Variants in NBEAL1 observed in about 807,000 individuals in gnomAD.
The protein encoded by NBEAL1 is neurobeachin like 1.
Under a neutral mutation model 351.3 loss-of-function variants are expected in NBEAL1, and 273 were observed. The ratio of observed to expected loss-of-function variants is 0.78; its 90% CI spans 0.70 to 0.86. The LOEUF is 0.86. Ranked by LOEUF, NBEAL1 falls within the 40% of genes least tolerant of loss-of-function variation. The pLI is 0.00. For synonymous variants in NBEAL1, 1,050 were observed against 1,086.4 expected (o/e 0.97, Z 0.66); for missense variants, 2,961 against 3,201.3 (o/e 0.92, Z 1.81).
intron 36 of NBEAL1, among the ~76,000 whole-genome samples, chr2:203,164,299 G>C (rs1169422554): frequency 6.6e-6 from 1 of 151,838 alleles, no homozygotes; most frequent in East Asian, 1.9e-4. Flanking sequence ...GTATCCTTTG[G>C]TGGCATAATC....
In NBEAL1 at chr2:203,220,845, C is replaced by T. The variant is rs1168051804; in HGVS notation, c.*3491C>T. On this transcript the variant is annotated 3_prime_UTR_variant, in exon 56 of 56. Transcript: ENST00000683969. The stretch of plus-strand genomic sequence containing the variant: ...CTTTCTTTTTAGCCTGTGAAGCTCA[C>T]GTCTGTTATTAAGTTAATAACAAAA... Among the ~76,000 whole-genome samples the T allele has an allele frequency of 1.3e-5, 2 of 152,102 alleles. No homozygotes were observed. The highest frequency in any genetic ancestry group is 2.9e-5 in the Non-Finnish European group (2 of 68,012).
chr2:203,107,158 T>A (rs2062457144), intron 12 of NBEAL1, among the ~76,000 whole-genome samples: 1 of 152,184 alleles, frequency 6.6e-6, no homozygotes, highest in Admixed American at 6.5e-5. Flanking sequence ...GCAAATAATA[T>A]AATAATTCTA....
chr2:203,212,941 A>G (rs1473464830), intron 54 of NBEAL1, among the ~76,000 whole-genome samples: 1 of 152,200 alleles, frequency 6.6e-6, no homozygotes, highest in African/African-American at 2.4e-5. Flanking sequence ...ACAAATGCCC[A>G]CTGAGAGTCT....
chr2:203,034,457 A>ATTTT (rs1241543389), intron 2 of NBEAL1, among the ~76,000 whole-genome samples: 1 of 111,948 alleles, frequency 8.9e-6, no homozygotes, highest in Non-Finnish European at 1.9e-5. Context: ...ACACCCGGCC[A>ATTTT]TTTTTTTTTT....
chr2:203,120,568 C>A (rs1021154940), intron 18 of NBEAL1, among the ~76,000 whole-genome samples: 4 of 152,088 alleles, frequency 2.6e-5, no homozygotes, highest in Admixed American at 1.3e-4. Flanking sequence ...AAACTGGGTT[C>A]TACATGTGTT....
intron 25 of NBEAL1, among the ~76,000 whole-genome samples, chr2:203,131,473 C>T (rs1466987393): frequency 6.6e-6 from 1 of 152,192 alleles, no homozygotes; most frequent in Non-Finnish European, 1.5e-5. Flanking sequence ...GCCTCAGCCT[C>T]GCTAAGTGCT....
intron 2 of NBEAL1, among the ~76,000 whole-genome samples, chr2:203,030,164 G>A (rs2060927589): frequency 6.6e-6 from 1 of 152,186 alleles, no homozygotes; most frequent in Non-Finnish European, 1.5e-5. Flanking sequence ...TGGTAATAAG[G>A]TAGACTAGGT....
intron 36 of NBEAL1, among the ~76,000 whole-genome samples, chr2:203,162,019 ATT>A (rs780529337): frequency 1.4e-3 from 148 of 107,198 alleles, no homozygotes; most frequent in South Asian, 2.1e-3. Context: ...ATTTGATTTG[ATT>A]TTTTTTTTTT....
chr2:203,080,572 C>A (rs1003829235), intron 8 of NBEAL1, among the ~76,000 whole-genome samples: 6 of 151,766 alleles, frequency 4.0e-5, no homozygotes, highest in African/African-American at 1.5e-4. Flanking sequence ...ACTCTTGTAC[C>A]TTGTTAGCCT....
At chr2:203,135,434 T>C (rs1178751613) in intron 27 of NBEAL1, among the ~76,000 whole-genome samples, 2 of 152,186 alleles carry the variant, frequency 1.3e-5, no homozygotes, top group African/African-American at 2.4e-5. Context: ...TTCTTTTTTA[T>C]CTTCCAGCAG....
intron 4 of NBEAL1, 91 bp from the exon 5 acceptor site, chr2:203,056,332 TGCCA>T: frequency 1.4e-6 from 1 of 706,166 alleles, no homozygotes; most frequent in Non-Finnish European, 2.5e-6. Context: ...GCATTTTGTT[TGCCA>T]GCATGTGTTC....
intron 33 of NBEAL1, among the ~76,000 whole-genome samples, chr2:203,148,729 C>T (rs2106347134): frequency 6.6e-6 from 1 of 151,280 alleles, no homozygotes. Context: ...AGGCACTTTC[C>T]ATTTTTGAAG....
At chr2:203,019,343 TC>T (rs1035037970) in intron 2 of NBEAL1, among the ~76,000 whole-genome samples, 8 of 152,220 alleles carry the variant, frequency 5.3e-5, no homozygotes, top group African/African-American at 1.9e-4. Context: ...TGATTACAGT[TC>T]CTTAAAGGGA....
chr2:203,077,789 TA>T lies in NBEAL1; in HGVS notation c.639del (p.Lys213AsnfsTer12). 6.8e-7 allele frequency: 1 copy of T among 1,472,270 alleles called. No homozygotes were observed. The highest frequency in any genetic ancestry group is 9.0e-7 in the Non-Finnish European group (1 of 1,106,972). 91.2% of individuals were successfully genotyped at this position (1,472,270 alleles called of 1,614,324 possible). ...AAAGTGAACATCTCAAGGAAAGTCT[TA>T]AATGTTGCTTATTGCATCTCTTTGG... ...QESEHLKESL[K>X]CCLLHLFGAI... On this transcript the variant is annotated frameshift_variant, in exon 8 of 56. Transcript: ENST00000683969. LOFTEE classifies it high-confidence loss of function.
intron 45 of NBEAL1, among the ~76,000 whole-genome samples, chr2:203,189,704 G>A (rs2065010512): frequency 1.3e-5 from 2 of 151,782 alleles, no homozygotes; most frequent in Non-Finnish European, 2.9e-5. Flanking sequence ...AACCTTCATA[G>A]AATATCATTT....
intron 6 of NBEAL1, among the ~76,000 whole-genome samples, chr2:203,059,338 C>T (rs1249373743): frequency 6.6e-6 from 1 of 152,138 alleles, no homozygotes; most frequent in East Asian, 1.9e-4. Flanking sequence ...AAACAAGGGG[C>T]TTAGAATAAC....
In NBEAL1 at chr2:203,031,179, T is replaced by C. The variant is rs564428633; in HGVS notation, c.52-10586T>C. ...CATCTTTTCCTAGTGATTTGGCAGTTTCTCTTGTCTTCGTTTGCATTGTTT... is the reference window on the plus strand; with the variant it reads ...CATCTTTTCCTAGTGATTTGGCAGTCTCTCTTGTCTTCGTTTGCATTGTTT... On this transcript the variant is annotated intron_variant, in intron 2 of 55. Coordinates refer to ENST00000683969, the MANE Select transcript of NBEAL1 (RefSeq NM_001378026.1). 2.6e-5 allele frequency among the ~76,000 whole-genome samples: 4 copies of C among 152,362 alleles called. No homozygotes were observed. The South Asian group carries it at 8.3e-4, about 32-fold the overall frequency.
At chr2:203,064,909 A>T (rs1348142579) in intron 6 of NBEAL1, among the ~76,000 whole-genome samples, 1 of 152,218 alleles carries the variant, frequency 6.6e-6, no homozygotes, top group Non-Finnish European at 1.5e-5. Context: ...TATCCCTATT[A>T]GTAAATATTC....
intron 54 of NBEAL1, among the ~76,000 whole-genome samples, chr2:203,213,224 C>A (rs750185940): frequency 2.6e-5 from 4 of 152,006 alleles, no homozygotes; most frequent in Non-Finnish European, 5.9e-5. Context: ...TCTAGGAAGT[C>A]AAAATTCTTA....
Sources: allele counts gnomAD v4.1 joint callset (sites outside exome capture counted in the v4.1 genomes callset), GRCh38; gene constraint gnomAD v4.1.1; transcripts MANE v1.5; gene names NCBI Gene and HGNC (gene_info 2026-07-23, HGNC 2026-07-21).